The following BBOF1 variants were observed in gnomAD, a reference collection of about 807,000 sequenced individuals.
BBOF1 encodes the protein basal body-orientation factor 1.
BBOF1 carries 62 observed loss-of-function variants against 68.0 expected under a neutral mutation model. The ratio of observed to expected loss-of-function variants is 0.91; its 90% CI spans 0.74 to 1.13. The LOEUF (loss-of-function observed/expected upper bound fraction) is 1.13, where lower values mean the gene tolerates loss of function less well. Among genes scored for constraint, BBOF1 ranks in the 50% most tolerant of loss-of-function variants. The probability of loss-of-function intolerance (pLI) is 0.00; values close to 1 mark genes in which losing one functional copy is unlikely to be tolerated. For missense variants in BBOF1, 534 were observed against 600.1 expected (o/e 0.89, Z 1.15); for synonymous variants, 208 against 198.8 (o/e 1.05, Z -0.39).
chr14:74,046,128 T>G lies in BBOF1; in HGVS notation c.645T>G (p.Ile215Met), dbSNP rs1391358556. ...CAGAGAGAGCCCACCATGAGGCTATTGTGTAAGAGACTGCTGCCTACTTTC... is the reference window on the plus strand; with the variant it reads ...CAGAGAGAGCCCACCATGAGGCTATGGTGTAAGAGACTGCTGCCTACTTTC... ...MLAERAHHEA[I>M]VQLNDAGRNV... Residue 215 changes from isoleucine (I) to methionine (M), a missense_variant and splice_region_variant, in exon 6 of 12, where the codon ATT (isoleucine) becomes ATG (methionine). Coordinates refer to ENST00000394009, the MANE Select transcript of BBOF1 (RefSeq NM_025057.3). The G allele has an allele frequency of 6.9e-6, 11 of 1,604,946 alleles. 1 individual carries two copies. The highest frequency in any genetic ancestry group is 1.3e-5 in the African/African-American group (1 of 74,888).
chr14:74,074,737 A>G, intron 9 of BBOF1, among the ~76,000 whole-genome samples: 1 of 152,186 alleles, frequency 6.6e-6, no homozygotes, highest in East Asian at 1.9e-4. Context: ...TAAGAAGAAG[A>G]CAACTATCTG....
chr14:74,077,201 G>C (rs974471908), intron 9 of BBOF1, among the ~76,000 whole-genome samples: 24 of 152,136 alleles, frequency 1.6e-4, no homozygotes, highest in African/African-American at 5.8e-4. Flanking sequence ...GTAGGTAGTA[G>C]GTGTTCAGTA....
chr14:74,057,715 T>C, intron 11 of BBOF1: 1 of 1,192,650 alleles, frequency 8.4e-7, no homozygotes, highest in Non-Finnish European at 1.1e-6. Context: ...ATTAGTACAA[T>C]GTAGAATCTG....
At chr14:74,052,082 G>T (rs2139639151) in intron 8 of BBOF1, among the ~76,000 whole-genome samples, 1 of 151,886 alleles carries the variant, frequency 6.6e-6, no homozygotes, top group Middle Eastern at 3.4e-3. Flanking sequence ...GTTACCAAGA[G>T]ATTTGCTGTA....
At chr14:74,077,032 G>GA (rs2060620553) in intron 9 of BBOF1, among the ~76,000 whole-genome samples, 1 of 152,170 alleles carries the variant, frequency 6.6e-6, no homozygotes, top group African/African-American at 2.4e-5. Context: ...CACTGCCCAG[G>GA]AAAAGGTGGT....
At chr14:74,021,370 G>A (rs1594996335) in intron 1 of BBOF1, among the ~76,000 whole-genome samples, 1 of 151,996 alleles carries the variant, frequency 6.6e-6, no homozygotes, top group East Asian at 1.9e-4. Flanking sequence ...AAGATCACTT[G>A]AGCCCAGGAG....
chr14:74,063,312 G>A (rs369492364), intron 11 of BBOF1, among the ~76,000 whole-genome samples: 4 of 150,786 alleles, frequency 2.7e-5, no homozygotes, highest in South Asian at 2.1e-4. Context: ...TCAGCCTCCC[G>A]AGTAGCTGGG....
intron 3 of BBOF1, among the ~76,000 whole-genome samples, chr14:74,030,006 T>C (rs771604011): frequency 1.3e-5 from 2 of 152,188 alleles, no homozygotes; most frequent in Non-Finnish European, 2.9e-5. Flanking sequence ...CTCAGAATGC[T>C]AATATTACCA....
At chr14:74,060,255 C>CT (rs2060310678) in intron 11 of BBOF1, 1 of 202,710 alleles carries the variant, frequency 4.9e-6, no homozygotes, top group Non-Finnish European at 1.0e-5. Context: ...CCACTGTGGC[C>CT]TCCCAAAATG....
At chr14:74,069,494 T>C (rs2139783059), downstream of BBOF1, among the ~76,000 whole-genome samples, 1 of 152,126 alleles carries the variant, frequency 6.6e-6, no homozygotes, top group Non-Finnish European at 1.5e-5. Flanking sequence ...CGCATGCCTG[T>C]AATTCCAGCA....
intron 2 of BBOF1, among the ~76,000 whole-genome samples, chr14:74,023,824 G>C (rs539528591): frequency 4.6e-5 from 7 of 151,310 alleles, no homozygotes; most frequent in African/African-American, 1.5e-4. Flanking sequence ...GCTGAGGCAG[G>C]AGAATTGCTT....
At position 74,066,042 on chromosome 14, in the gene BBOF1, T is replaced by C. The variant is rs2060457965; in HGVS notation, c.*1343T>C. ...CCTCATAACCTCAATTTTTAAGTCA[T>C]GTTAGCTGAGAGACTTTCAAAGTTT... On this transcript the variant is annotated 3_prime_UTR_variant, in exon 12 of 12. Coordinates refer to ENST00000394009, the MANE Select transcript of BBOF1 (RefSeq NM_025057.3). 1 of 155,052 alleles carries C rather than the reference T, an allele frequency of 6.4e-6. No individual in the cohort carries two copies. Among genetic ancestry groups the C allele is most frequent in the Non-Finnish European group, 1.4e-5 (1 of 69,550 alleles). The allele number at this position is 155,052 out of a possible 1,614,324, so 9.6% of individuals were successfully genotyped here.
chr14:74,053,191 C>T (rs1041648412), intron 8 of BBOF1, among the ~76,000 whole-genome samples: 3 of 151,720 alleles, frequency 2.0e-5, no homozygotes, highest in African/African-American at 7.3e-5. Flanking sequence ...TGGCTCACTG[C>T]ATCCTCTGAC....
rs2060567450 is a variant in BBOF1 at position 74,072,677 on chromosome 14, G to T, written n.1380-5519G>T. 4 of 1,556,830 alleles carry T rather than the reference G, an allele frequency of 2.6e-6. No homozygotes were observed. The Middle Eastern group carries it at 5.0e-4, about 197-fold the overall frequency. The stretch of plus-strand genomic sequence containing the variant: ...AAACTTTGTATTAGCTAATTGCTTT[G>T]CTTTTCCCTTTCCCTTGCACCAAAA... On this transcript the variant is annotated intron_variant and non_coding_transcript_variant, in intron 9 of 12. Transcript: ENST00000492026.
At chr14:74,054,241 A>T (rs2060133298) in intron 8 of BBOF1, among the ~76,000 whole-genome samples, 1 of 151,730 alleles carries the variant, frequency 6.6e-6, no homozygotes, top group Admixed American at 6.6e-5. Context: ...TGATCTCCTG[A>T]CCTCATGAAC....
chr14:74,026,781 C>T (rs1025126961), intron 2 of BBOF1, among the ~76,000 whole-genome samples: 17 of 151,680 alleles, frequency 1.1e-4, no homozygotes, highest in East Asian at 2.0e-4. Flanking sequence ...AAAAATTAGC[C>T]GGGTGTGGTA....
intron 1 of BBOF1, among the ~76,000 whole-genome samples, chr14:74,022,558 A>G (rs1595000174): frequency 6.6e-6 from 1 of 152,150 alleles, no homozygotes; most frequent in African/African-American, 2.4e-5. Flanking sequence ...AAAAGAAAAA[A>G]AAAAGATATG....
At chr14:74,039,600 T>C (rs2059787193) in intron 4 of BBOF1, among the ~76,000 whole-genome samples, 1 of 151,586 alleles carries the variant, frequency 6.6e-6, no homozygotes, top group African/African-American at 2.4e-5. Flanking sequence ...GGCTAATTTT[T>C]TTTTTTTTTG....
In BBOF1 at chr14:74,049,686, A is replaced by T. The variant is rs765413378; in HGVS notation, c.793-16A>T. On this transcript the variant is annotated splice_polypyrimidine_tract_variant and intron_variant, in intron 7 of 11. Coordinates refer to ENST00000394009, the MANE Select transcript of BBOF1 (RefSeq NM_025057.3). ...CAAAAGAAAAAAAAAATCACCTCTC[A>T]TCTTTCTGTTTTTAGGAGATCAATG... The T allele has an allele frequency of 1.4e-5, 22 of 1,558,400 alleles. No homozygotes were observed. The South Asian group carries it at 1.8e-4, about 13-fold the overall frequency.
Sources: allele counts gnomAD v4.1 joint callset (sites outside exome capture counted in the v4.1 genomes callset), GRCh38; gene constraint gnomAD v4.1.1; transcripts MANE v1.5; gene names NCBI Gene and HGNC (gene_info 2026-07-23, HGNC 2026-07-21).